The following PLXNB1 variants were observed in gnomAD, a reference collection of about 807,000 sequenced individuals.
PLXNB1 encodes plexin-B1.
Under a neutral mutation model 209.4 loss-of-function variants are expected in PLXNB1, and 106 were observed. That is an observed-to-expected ratio of 0.51 (90% confidence interval 0.43 to 0.59). The LOEUF is 0.59. Ranked by LOEUF, PLXNB1 falls within the 20% of genes least tolerant of loss-of-function variation. PLXNB1 has a pLI of 0.00. For missense variants in PLXNB1, 2,357 were observed against 2,853.2 expected (o/e 0.83, Z 3.96); for synonymous variants, 1,167 against 1,183.2 (o/e 0.99, Z 0.28).
rs781091832 is a variant in PLXNB1, at chr3:48,409,192, G to C, written c.6087+137C>G. Reference sequence around the variant, plus strand: ...TCCCTTAAAACTGAGGTGGCCCCGGGATGAAGCCTTGGCTTGGGAGGTCAG... The same window carrying C: ...TCCCTTAAAACTGAGGTGGCCCCGGCATGAAGCCTTGGCTTGGGAGGTCAG... On this transcript the variant is annotated intron_variant, in intron 34 of 37. Coordinates refer to ENST00000296440, the MANE Select transcript of PLXNB1 (RefSeq NM_001130082.3). The surrounding 1 kb of genome is among the most constrained non-coding windows in gnomAD (Gnocchi z 5.8). 7.1e-6 allele frequency: 7 copies of C among 981,384 alleles called. No individual in the cohort carries two copies. Among genetic ancestry groups the C allele is most frequent in the Non-Finnish European group, 9.0e-6 (6 of 668,796 alleles). 60.8% of individuals were successfully genotyped at this position (981,384 alleles called of 1,614,324 possible).
At position 48,414,825 on chromosome 3, in the gene PLXNB1, T is replaced by G. The variant is rs762129869; in HGVS notation, c.4183A>C (p.Lys1395Gln). Residue 1395 changes from lysine (K) to glutamine (Q), a missense_variant, in exon 21 of 38, where the codon AAG (lysine) becomes CAG (glutamine). This residue lies in a region of PLXNB1 where 743 missense variants were observed against 896.2 expected (regional missense o/e 0.83). Transcript: ENST00000296440. Reference sequence around the variant, plus strand: ...TCCACGGAGAACACACTCCCAGGCTTGTGCCGGAATGGCATGGTGGGGTCC... The same window carrying G: ...TCCACGGAGAACACACTCCCAGGCTGGTGCCGGAATGGCATGGTGGGGTCC... ...PEDPTMPFRH[K>Q]PGSVFSVEGE... 1 of 1,614,026 alleles carries G rather than the reference T, an allele frequency of 6.2e-7. No individual in the cohort carries two copies. Among genetic ancestry groups the G allele is most frequent in the Non-Finnish European group, 8.5e-7 (1 of 1,179,998 alleles).
chr3:48,425,162 TG>T (rs2038817073), intron 2 of PLXNB1, 118 bp downstream of exon 2: 1 of 153,768 alleles, frequency 6.5e-6, no homozygotes, highest in South Asian at 2.0e-4. Context: ...GCCTGAGAGA[TG>T]GGAAGAGGTT....
Position 48,415,085 on chromosome 3 carries a change from G to A in PLXNB1, c.3967-44C>T, listed in dbSNP as rs376369921. ...GGTTGACGAGGGGCCAAGCAAAGAT[G>A]GGAAGAGCCTCCTCTGGCACCTGCT... On this transcript the variant is annotated intron_variant, in intron 20 of 37. Coordinates refer to ENST00000296440, the MANE Select transcript of PLXNB1 (RefSeq NM_001130082.3). The surrounding 1 kb of genome is among the most constrained non-coding windows in gnomAD (Gnocchi z 5.0). 5.6e-5 allele frequency: 90 copies of A among 1,608,148 alleles called. No individual in the cohort carries two copies. Among genetic ancestry groups the A allele is most frequent in the Non-Finnish European group, 7.3e-5 (86 of 1,176,096 alleles).
At position 48,418,790 on chromosome 3, in the gene PLXNB1, G is replaced by A; in HGVS notation, c.2955+127C>T. Reference sequence around the variant, plus strand: ...TGGTCAGAGGTCAGAAATGGGTGTGGAGACTCCCTCAGGGCGACACGGTCA... The same window carrying A: ...TGGTCAGAGGTCAGAAATGGGTGTGAAGACTCCCTCAGGGCGACACGGTCA... On this transcript the variant is annotated intron_variant, in intron 13 of 37. Transcript: ENST00000296440. This position sits in a 1 kb window ranked among gnomAD's most constrained non-coding sequence, Gnocchi z 6.6. The A allele has an allele frequency of 4.1e-6, 5 of 1,233,484 alleles. No homozygotes were observed. Among genetic ancestry groups the A allele is most frequent in the Non-Finnish European group, 5.8e-6 (5 of 861,252 alleles). 76.4% of individuals were successfully genotyped at this position (1,233,484 alleles called of 1,614,324 possible). A position where few individuals can be genotyped will look rare whatever the true frequency, so the allele number is the denominator to read the frequency against.
At position 48,415,987 on chromosome 3, in the gene PLXNB1, C is replaced by T; in HGVS notation, c.3617+44G>A. 6.3e-7 allele frequency: 1 copy of T among 1,579,326 alleles called. No homozygotes were observed. Among genetic ancestry groups the T allele is most frequent in the South Asian group, 1.2e-5 (1 of 86,770 alleles). The stretch of plus-strand genomic sequence containing the variant: ...GGATCTCAGACCCCTCCATCTTTCC[C>T]CTGGAGCAGATGGATTTTTGCAGGA... On this transcript the variant is annotated intron_variant, in intron 18 of 37. Coordinates refer to ENST00000296440, the MANE Select transcript of PLXNB1 (RefSeq NM_001130082.3). This position sits in a 1 kb window ranked among gnomAD's most constrained non-coding sequence, Gnocchi z 5.0.
At chr3:48,428,316 G>C (rs931198171) in intron 1 of PLXNB1, among the ~76,000 whole-genome samples, 1 of 152,068 alleles carries the variant, frequency 6.6e-6, no homozygotes, top group Non-Finnish European at 1.5e-5. Context: ...AGGATCTCCT[G>C]CCCATTCCCA....
In PLXNB1 at chr3:48,413,198, G is replaced by A. The variant is rs1446231357; in HGVS notation, c.4536-29C>T. 5 of 1,553,078 alleles carry A rather than the reference G, an allele frequency of 3.2e-6. No individual in the cohort carries two copies. Among genetic ancestry groups the A allele is most frequent in the Non-Finnish European group, 4.4e-6 (5 of 1,131,564 alleles). On this transcript the variant is annotated intron_variant, in intron 23 of 37. Transcript: ENST00000296440. The surrounding 1 kb of genome is among the most constrained non-coding windows in gnomAD (Gnocchi z 5.4). ...CTCAGCCCCAGGGTCAGGAGAGGAT[G>A]GCCAGATGAGTCCTACTCGCCCAGG...
At position 48,406,067 on chromosome 3, in the gene PLXNB1, C is replaced by T. The variant is rs887169408; in HGVS notation, c.6229-269G>A. 4.1e-5 allele frequency: 16 copies of T among 388,212 alleles called. No homozygotes were observed. In the Admixed American group the frequency reaches 4.5e-4, roughly 11 times the overall value. The allele number at this position is 388,212 out of a possible 1,614,324, so 24.0% of individuals were successfully genotyped here. On this transcript the variant is annotated intron_variant, in intron 36 of 37. Coordinates refer to ENST00000296440, the MANE Select transcript of PLXNB1 (RefSeq NM_001130082.3). The surrounding 1 kb of genome is among the most constrained non-coding windows in gnomAD (Gnocchi z 4.4). ...CCTGCTTCAGCAAGGTCTGGGGTTT[C>T]CACTGAAGCCCTGCCTCTCTCACCC...
Position 48,410,818 on chromosome 3 carries a change from G to T in PLXNB1, c.5416+50C>A. ...TCCCTGCAGAGTTGGTCCGGGGCCA[G>T]CCCAGGCCCAACAGTGGCTCAGGTC... is the stretch of plus-strand genomic sequence containing the variant. On this transcript the variant is annotated intron_variant, in intron 29 of 37. Transcript: ENST00000296440. This position sits in a 1 kb window ranked among gnomAD's most constrained non-coding sequence, Gnocchi z 6.4. The T allele has an allele frequency of 6.4e-7, 1 of 1,556,894 alleles. No individual in the cohort carries two copies. Among genetic ancestry groups the T allele is most frequent in the Non-Finnish European group, 8.7e-7 (1 of 1,146,026 alleles).
rs367765058 is a variant in PLXNB1 at position 48,418,203 on chromosome 3, G to A, written c.3210C>T (p.Pro1070=). 4 of 1,610,420 alleles carry A rather than the reference G, an allele frequency of 2.5e-6. No individual in the cohort carries two copies. The African/African-American group carries it at 5.3e-5, about 22-fold the overall frequency. The stretch of plus-strand genomic sequence containing the variant: ...CCTTTCAACAAACCGAGTGGATGAG[G>A]GGCGCTGGGCACTGGGTGGCCACAG... ...AEAVATQCPA[P]LIHSVEPLTG... Residue 1070 remains proline (P), a synonymous_variant, in exon 15 of 38, where the codon CCC becomes CCT. Coordinates refer to ENST00000296440, the MANE Select transcript of PLXNB1 (RefSeq NM_001130082.3). The surrounding 1 kb of genome is among the most constrained non-coding windows in gnomAD (Gnocchi z 6.6).
In PLXNB1 at chr3:48,409,672, G is replaced by T; in HGVS notation, c.5838C>A (p.Pro1946=). The T allele has an allele frequency of 6.2e-7, 1 of 1,613,968 alleles. No homozygotes were observed. ...LFQVILSTSR[P]VPLAVKYFFD... ...AGAAGTACTTCACAGCGAGCGGCAC[G>T]GGGCGGCTGGTGCTGAGAATCACCT... Residue 1946 remains proline, a synonymous_variant, in exon 33 of 38, where the codon CCC becomes CCA. Coordinates refer to ENST00000296440, the MANE Select transcript of PLXNB1 (RefSeq NM_001130082.3). This position sits in a 1 kb window ranked among gnomAD's most constrained non-coding sequence, Gnocchi z 5.8.
rs370218491 is a variant in PLXNB1, at chr3:48,419,228, G to A, written c.2832+16C>T. On this transcript the variant is annotated intron_variant, in intron 12 of 37. Transcript: ENST00000296440. The surrounding 1 kb of genome is among the most constrained non-coding windows in gnomAD (Gnocchi z 5.7). ...TAAGGAGGCTGCAAGGACAGCGGCA[G>A]GCAGGACACACTGACCTGGAAAAGG... The A allele has an allele frequency of 1.9e-6, 3 of 1,553,506 alleles. No homozygotes were observed. In the African/African-American group the frequency reaches 4.1e-5, roughly 21 times the overall value.
In PLXNB1 at chr3:48,409,795, A is replaced by G; in HGVS notation, c.5779-64T>C. The stretch of plus-strand genomic sequence containing the variant: ...GGGCCCTCAGCAGCAGCCCAGCCTC[A>G]GACACCCCCCGGCACTGTGCCTGCA... On this transcript the variant is annotated intron_variant, in intron 32 of 37. Transcript: ENST00000296440. The surrounding 1 kb of genome is among the most constrained non-coding windows in gnomAD (Gnocchi z 5.8). The G allele has an allele frequency of 1.3e-6, 2 of 1,588,252 alleles. No homozygotes were observed. Among genetic ancestry groups the G allele is most frequent in the Non-Finnish European group, 1.7e-6 (2 of 1,163,632 alleles).
chr3:48,415,404 AG>A lies in PLXNB1; in HGVS notation c.3795-58del. The A allele has an allele frequency of 1.9e-6, 3 of 1,560,446 alleles. No individual in the cohort carries two copies. Among genetic ancestry groups the A allele is most frequent in the Non-Finnish European group, 2.6e-6 (3 of 1,143,642 alleles). On this transcript the variant is annotated intron_variant, in intron 19 of 37. Transcript: ENST00000296440. The surrounding 1 kb of genome is among the most constrained non-coding windows in gnomAD (Gnocchi z 5.0). ...GATGGCTTATGTTACCTGGACCTAA[AG>A]CACAGCCCAGTCCCGGCTAGGTCAG... is the stretch of plus-strand genomic sequence containing the variant.
Position 48,423,604 on chromosome 3 carries a change from C to G in PLXNB1, c.1008G>C (p.Thr336=). ...LDEVDRLANR[T]RDACYTREGR... ...CCTCCCGGGTGTAGCAGGCATCTCG[C>G]GTGCGATTAGCAAGCCGGTCCACCT... Residue 336 remains threonine, a synonymous_variant, in exon 3 of 38, where the codon ACG becomes ACC. Transcript: ENST00000296440. 6.2e-7 allele frequency: 1 copy of G among 1,614,224 alleles called. No individual in the cohort carries two copies. Among genetic ancestry groups the G allele is most frequent in the Non-Finnish European group, 8.5e-7 (1 of 1,180,046 alleles).
chr3:48,420,886 A>G lies in PLXNB1; in HGVS notation c.1881T>C (p.Tyr627=). ...VVIAKTSLSF[Y]DCVAVTELRP... ...GGAGTTCAGTGACCGCCACACAGTC[A>G]TAGAAAGAGAGGGAAGTTTTGGCGA... Residue 627 remains tyrosine (Y), a synonymous_variant, in exon 9 of 38, where the codon TAT becomes TAC. Coordinates refer to ENST00000296440, the MANE Select transcript of PLXNB1 (RefSeq NM_001130082.3). The G allele has an allele frequency of 6.2e-7, 1 of 1,614,148 alleles. No individual in the cohort carries two copies. Among genetic ancestry groups the G allele is most frequent in the Non-Finnish European group, 8.5e-7 (1 of 1,179,972 alleles).
chr3:48,414,562 G>A (rs1215184419), intron 21 of PLXNB1, among the ~76,000 whole-genome samples: 11 of 152,186 alleles, frequency 7.2e-5, no homozygotes, highest in Non-Finnish European at 7.3e-5. Flanking sequence ...AGTCATTCCA[G>A]AGCCTGCCAT....
chr3:48,421,057 G>A (rs920617444), intron 8 of PLXNB1, 101 bp from the exon 9 acceptor site: 5 of 1,261,716 alleles, frequency 4.0e-6, no homozygotes, highest in African/African-American at 2.9e-5. Flanking sequence ...GACCCGGGAT[G>A]AGGGAATACA....
intron 27 of PLXNB1, 65 bp downstream of exon 27, chr3:48,412,173 G>T: frequency 6.4e-7 from 1 of 1,557,330 alleles, no homozygotes; most frequent in East Asian, 2.2e-5. Context: ...GGTGGCTGAG[G>T]GCTTAGAAGT....
Sources: gnomAD v4.1 joint callset for allele counts (sites outside exome capture counted in the v4.1 genomes callset) on GRCh38, gnomAD v4.1.1 for gene constraint, gnomAD v4.1.1 regional missense constraint, Gnocchi (gnomAD v3.1) non-coding constraint, MANE v1.5 for transcripts, NCBI Gene and HGNC (gene_info 2026-07-23, HGNC 2026-07-21) for gene names.